The following MTUS1 variants were observed in gnomAD, a reference collection of about 807,000 sequenced individuals.
MTUS1 encodes the protein microtubule-associated tumor suppressor 1.
MTUS1 carries 109 observed loss-of-function variants against 120.8 expected under a neutral mutation model. That is an observed-to-expected ratio of 0.90 (90% CI 0.77 to 1.06). The LOEUF (loss-of-function observed/expected upper bound fraction) is 1.06, where lower values mean the gene tolerates loss of function less well. MTUS1 is among the 50% of genes least tolerant of loss of function. The probability of loss-of-function intolerance (pLI) is 0.00; values close to 1 mark genes in which losing one functional copy is unlikely to be tolerated. For missense variants in MTUS1, 2,210 were observed against 1,486.3 expected, an observed-to-expected ratio of 1.49 and a Z score of -8.01; for synonymous variants, 737 against 550.5, an observed-to-expected ratio of 1.34 and a Z score of -4.74.
rs139813734 is a variant in MTUS1, at chr8:17,644,446, G to GAGATAGAT, written c.*1479_*1480insATCTATCT. On this transcript the variant is annotated 3_prime_UTR_variant, in exon 15 of 15. Coordinates refer to ENST00000693296, the MANE Select transcript of MTUS1 (RefSeq NM_001363059.2). Reference sequence around the variant, plus strand: ...CAATGTTGACACATGCAGGGAGGGGGAGATAAAGCAACAGTTCTTCCTTCC... The same window carrying GAGATAGAT: ...CAATGTTGACACATGCAGGGAGGGGGAGATAGATAGATAAAGCAACAGTTCTTCCTTCC... 1.3e-5 allele frequency: 2 copies of GAGATAGAT among 152,668 alleles called. No individual in the cohort carries two copies. Among genetic ancestry groups the GAGATAGAT allele is most frequent in the African/African-American group, 4.8e-5 (2 of 41,510 alleles). The allele number at this position is 152,668 out of a possible 1,614,324, so 9.5% of individuals were successfully genotyped here.
rs896226944 is a variant in MTUS1 at position 17,755,739 on chromosome 8, A to G, written c.69T>C (p.Asp23=). The G allele has an allele frequency of 6.2e-7, 1 of 1,613,914 alleles. No individual in the cohort carries two copies. The highest frequency in any genetic ancestry group is 2.2e-5 in the East Asian group (1 of 44,876). The change falls in exon 2 of 15, where the codon GAT becomes GAC. Residue 23 remains aspartate, a synonymous_variant. Coordinates refer to ENST00000693296, the MANE Select transcript of MTUS1 (RefSeq NM_001363059.2). ...TCGGGTTGTATGCATGTGTATTTCC[A>G]TCTTTATCACTGGTAAAGAAGGTTT... is the stretch of plus-strand genomic sequence containing the variant. ...ELQTFFTSDK[D]GNTHAYNPKS... is the part of the protein sequence containing the mutation.
chr8:17,738,986 T>A (rs2047121162), intron 3 of MTUS1, among the ~76,000 whole-genome samples: 1 of 150,882 alleles, frequency 6.6e-6, no homozygotes, highest in Non-Finnish European at 1.5e-5. Context: ...TACAAAAATA[T>A]ATAAAAATCA....
chr8:17,681,475 C>A (rs1814489006), intron 7 of MTUS1: 1 of 153,748 alleles, frequency 6.5e-6, no homozygotes, highest in Non-Finnish European at 1.5e-5. Flanking sequence ...TGATAGCAGG[C>A]AAATTACCTA....
chr8:17,743,698 G>C lies in MTUS1; in HGVS notation c.2193C>G (p.Pro731=). The C allele has an allele frequency of 6.2e-7, 1 of 1,614,166 alleles. No individual in the cohort carries two copies. The highest frequency in any genetic ancestry group is 8.5e-7 in the Non-Finnish European group (1 of 1,180,040). The change falls in exon 3 of 15, where the codon CCC becomes CCG. Residue 731 remains proline (P), a synonymous_variant. Coordinates refer to ENST00000693296, the MANE Select transcript of MTUS1 (RefSeq NM_001363059.2). ...QIAAPKAKVG[P]PVSCLRRNSD... is the part of the protein sequence containing the mutation. Reference sequence around the variant, plus strand: ...TGTTCCGCCTCAAACAGGAAACAGGGGGCCCCACTTTGGCTTTTGGAGCAG... The same window carrying C: ...TGTTCCGCCTCAAACAGGAAACAGGCGGCCCCACTTTGGCTTTTGGAGCAG...
At chr8:17,796,507 G>C (rs2052256078) in intron 1 of MTUS1, among the ~76,000 whole-genome samples, 1 of 152,084 alleles carries the variant, frequency 6.6e-6, no homozygotes. Flanking sequence ...TTTCTTCCTT[G>C]ATTGTGTAAC....
intron 7 of MTUS1, among the ~76,000 whole-genome samples, chr8:17,676,972 C>T (rs913939693): frequency 1.3e-5 from 2 of 152,224 alleles, no homozygotes; most frequent in Non-Finnish European, 2.9e-5. Context: ...GTAAGAGCTA[C>T]GGAAGTCAAG....
chr8:17,780,718 C>T (rs990839951), intron 1 of MTUS1, among the ~76,000 whole-genome samples: 4 of 152,172 alleles, frequency 2.6e-5, no homozygotes, highest in African/African-American at 9.7e-5. Flanking sequence ...GAGCCTCTGC[C>T]TCCTTACAAT....
intron 7 of MTUS1, among the ~76,000 whole-genome samples, chr8:17,677,179 C>A (rs904049652): frequency 6.6e-6 from 1 of 152,016 alleles, no homozygotes; most frequent in Admixed American, 6.6e-5. Flanking sequence ...GAAATTAAAG[C>A]CTGAGGAAAA....
intron 6 of MTUS1, among the ~76,000 whole-genome samples, chr8:17,693,026 T>A (rs949802644): frequency 3.9e-5 from 6 of 152,180 alleles, no homozygotes; most frequent in African/African-American, 1.4e-4. Context: ...TTGCCTTCAC[T>A]GGAGTCAAGA....
Position 17,709,521 on chromosome 8 carries a change from C to T in MTUS1, c.2623+3693G>A, listed in dbSNP as rs138276213. 5.7e-3 allele frequency among the ~76,000 whole-genome samples: 874 copies of T among 152,236 alleles called. 11 individuals carry two copies. Among genetic ancestry groups the T allele is most frequent in the African/African-American group, 0.02 (828 of 41,554 alleles). ...AGGACTGCATCCTTAACACCTGACA[C>T]TCACAATGTGTGAACAAACTGTAGT... On this transcript the variant is annotated intron_variant, in intron 6 of 14. Coordinates refer to ENST00000693296, the MANE Select transcript of MTUS1 (RefSeq NM_001363059.2).
Position 17,745,410 on chromosome 8 carries a change from C to A in MTUS1, c.2092-1611G>T, listed in dbSNP as rs551111541. 9.2e-5 allele frequency among the ~76,000 whole-genome samples: 14 copies of A among 152,312 alleles called. No homozygotes were observed. In the East Asian group the frequency reaches 1.9e-3, roughly 21 times the overall value. ...TTTCAGGTGGATTCAACATAGTATTCAGCATGTAGTAAGTTCAAGTTTTGC... is the reference window on the plus strand; with the variant it reads ...TTTCAGGTGGATTCAACATAGTATTAAGCATGTAGTAAGTTCAAGTTTTGC... On this transcript the variant is annotated intron_variant, in intron 2 of 14. Transcript: ENST00000693296.
At position 17,754,968 on chromosome 8, in the gene MTUS1, T is replaced by C. The variant is rs781130041; in HGVS notation, c.840A>G (p.Gln280=). The C allele has an allele frequency of 3.7e-6, 6 of 1,614,014 alleles. No individual in the cohort carries two copies. The African/African-American group carries it at 8.0e-5, about 22-fold the overall frequency. ...TCTCCTTTTCTCCAACTAGTCTTTG[T>C]TGTGATCCATCTGTGTACTCACTGG... The part of the protein sequence containing the change: ...KVTSEYTDGS[Q]QRLVGEKETQ... The change falls in exon 2 of 15, where the codon CAA becomes CAG. Residue 280 remains glutamine, a synonymous_variant. Transcript: ENST00000693296.
At chr8:17,721,614 A>G in intron 4 of MTUS1, 3 of 1,375,030 alleles carry the variant, frequency 2.2e-6, no homozygotes, top group Non-Finnish European at 2.9e-6. Context: ...CATAAATTAC[A>G]AGTTACAAAA....
At chr8:17,711,186 A>G (rs1821230893) in intron 6 of MTUS1, among the ~76,000 whole-genome samples, 1 of 152,256 alleles carries the variant, frequency 6.6e-6, no homozygotes, top group African/African-American at 2.4e-5. Flanking sequence ...ATTAGCTTCT[A>G]ATAAGACAGC....
intron 1 of MTUS1, among the ~76,000 whole-genome samples, chr8:17,756,285 T>C (rs923667741): frequency 2.0e-5 from 3 of 152,164 alleles, no homozygotes; most frequent in Admixed American, 1.3e-4. Context: ...CTGGCAATAG[T>C]ATTTTCTTCT....
intron 1 of MTUS1, among the ~76,000 whole-genome samples, chr8:17,790,417 A>G (rs558485308): frequency 7.3e-4 from 111 of 152,314 alleles, no homozygotes; most frequent in Admixed American, 1.4e-3. Flanking sequence ...ACAGACTGCT[A>G]ATCTATGAAG....
chr8:17,729,533 T>C (rs912123077), intron 3 of MTUS1, among the ~76,000 whole-genome samples: 53 of 152,330 alleles, frequency 3.5e-4, no homozygotes, highest in African/African-American at 1.2e-3. Context: ...CACACACATA[T>C]GCACTGTTTC....
intron 1 of MTUS1, among the ~76,000 whole-genome samples, chr8:17,784,226 C>G (rs1415264773): frequency 6.6e-6 from 1 of 151,966 alleles, no homozygotes; most frequent in African/African-American, 2.4e-5. Context: ...AATACTCCTA[C>G]TCCCTGCTGT....
chr8:17,760,051 C>CT lies in MTUS1; in HGVS notation c.-154-4091dup, dbSNP rs1165288999. The stretch of plus-strand genomic sequence containing the variant: ...TAGCAGGACCCTACCTCTACGATTT[C>CT]TTTTCTTTTTTTTTTTTTTTTTAGC... On this transcript the variant is annotated intron_variant, in intron 1 of 14. Transcript: ENST00000693296. Among the ~76,000 whole-genome samples, 266 of 130,254 alleles carry CT rather than the reference C, an allele frequency of 2.0e-3. 1 individual carries two copies. The highest frequency in any genetic ancestry group is 6.6e-3 in the African/African-American group (244 of 36,988). The allele number at this position is 130,254 out of a possible 152,430, so 85.5% of individuals were successfully genotyped here.
Sources: gnomAD v4.1 joint callset for allele counts (sites outside exome capture counted in the v4.1 genomes callset) on GRCh38, gnomAD v4.1.1 for gene constraint, MANE v1.5 for transcripts, NCBI Gene and HGNC (gene_info 2026-07-23, HGNC 2026-07-21) for gene names.